Variants in MLLT6 observed in about 807,000 individuals in gnomAD.
MLLT6 encodes the protein protein AF-17.
MLLT6 carries 22 observed loss-of-function variants against 103.0 expected under a neutral mutation model. The observed-to-expected ratio is 0.21, with a 90% confidence interval of 0.15 to 0.31. MLLT6 has a LOEUF of 0.31. Among genes scored for constraint, MLLT6 ranks in the 10% least tolerant of loss-of-function variants. MLLT6 has a pLI of 1.00. For synonymous variants in MLLT6, 606 were observed against 623.5 expected (o/e 0.97, Z 0.42); for missense variants, 1,199 against 1,441.7 (o/e 0.83, Z 2.73).
chr17:38,716,745 A>G lies in MLLT6; in HGVS notation c.1415A>G (p.Lys472Arg). The G allele has an allele frequency of 5.6e-6, 9 of 1,608,714 alleles. No homozygotes were observed. The highest frequency in any genetic ancestry group is 7.6e-6 in the Non-Finnish European group (9 of 1,177,772). ...GLKEKKHKAS[K>R]RSRHGPGRPK... Reference sequence around the variant, plus strand: ...AAGGAGAAGAAGCACAAAGCCAGCAAGAGGAGCCGCCATGGGCCAGGCCGT... The same window carrying G: ...AAGGAGAAGAAGCACAAAGCCAGCAGGAGGAGCCGCCATGGGCCAGGCCGT... Residue 472 changes from lysine to arginine, a missense_variant, in exon 10 of 20, where the codon AAG (lysine) becomes AGG (arginine). This residue lies in a region of MLLT6 where 1,034 missense variants were observed against 1,091.5 expected (regional missense o/e 0.95). Transcript: ENST00000621332. The surrounding 1 kb of genome is among the most constrained non-coding windows in gnomAD (Gnocchi z 5.6).
Position 38,729,086 on chromosome 17 carries a change from C to G in MLLT6, c.*3488C>G, listed in dbSNP as rs1005105743. 1 of 233,210 alleles carries G rather than the reference C, an allele frequency of 4.3e-6. No individual in the cohort carries two copies. Among genetic ancestry groups the G allele is most frequent in the African/African-American group, 2.2e-5 (1 of 45,320 alleles). 14.4% of individuals were successfully genotyped at this position (233,210 alleles called of 1,614,324 possible). A position where few individuals can be genotyped will look rare whatever the true frequency, so the allele number is the denominator to read the frequency against. On this transcript the variant is annotated 3_prime_UTR_variant, in exon 20 of 20. Transcript: ENST00000621332. ...TCTAGAGAAATGAGAGGAGCCCAAG[C>G]CAGGGGCCAGCTCCGAGAAAGGGTA... is the stretch of plus-strand genomic sequence containing the variant.
chr17:38,717,377 C>G, intron 10 of MLLT6, 55 bp from the exon 11 acceptor site: 1 of 1,421,798 alleles, frequency 7.0e-7, no homozygotes, highest in Non-Finnish European at 9.5e-7. Flanking sequence ...CCTGGCTGAG[C>G]AGGAGTCTGG....
Position 38,717,483 on chromosome 17 carries a change from G to C in MLLT6, c.1703G>C (p.Arg568Pro). 1 of 1,612,188 alleles carries C rather than the reference G, an allele frequency of 6.2e-7. No homozygotes were observed. ...DPISHSGGML[R>P]AVCSTPLSSS... ...ATCTCCCACAGTGGCGGGATGCTGC[G>C]GGCTGTCTGCAGCACCCCTCTCTCC... Residue 568 changes from arginine (R) to proline (P), a missense_variant, in exon 11 of 20, where the codon CGG becomes CCG. This residue lies in a region of MLLT6 where 1,034 missense variants were observed against 1,091.5 expected (regional missense o/e 0.95). Coordinates refer to ENST00000621332, the MANE Select transcript of MLLT6 (RefSeq NM_005937.4).
chr17:38,721,783 T>C, intron 16 of MLLT6, 95 bp from the exon 17 acceptor site: 1 of 799,784 alleles, frequency 1.3e-6, no homozygotes, highest in Non-Finnish European at 1.9e-6. Flanking sequence ...GAAGTGGGGG[T>C]TGCTGTGCTC....
At position 38,720,745 on chromosome 17, in the gene MLLT6, G is replaced by A; in HGVS notation, c.2440G>A (p.Glu814Lys). The stretch of plus-strand genomic sequence containing the variant: ...GGACAACTCGCTGTCCACTTCTTCT[G>A]AGGTGGGCGCTACGAGGAGTGGGGC... ...GLDNSLSTSS[E>K]DPHSGCPSRS... The change falls in exon 16 of 20, where the codon GAG becomes AAG. Residue 814 changes from glutamate (E) to lysine (K), a missense_variant and splice_region_variant. This residue lies in a region of MLLT6 where 1,034 missense variants were observed against 1,091.5 expected (regional missense o/e 0.95). Transcript: ENST00000621332. 6.2e-7 allele frequency: 1 copy of A among 1,613,698 alleles called. No homozygotes were observed. The highest frequency in any genetic ancestry group is 8.5e-7 in the Non-Finnish European group (1 of 1,179,942).
In MLLT6 at chr17:38,729,204, G is replaced by A. The variant is rs1906193533; in HGVS notation, c.*3606G>A. 2 of 233,096 alleles carry A rather than the reference G, an allele frequency of 8.6e-6. No individual in the cohort carries two copies. The highest frequency in any genetic ancestry group is 1.7e-5 in the Non-Finnish European group (2 of 118,034). The allele number at this position is 233,096 out of a possible 1,614,324, so 14.4% of individuals were successfully genotyped here. ...CAGCTTCTAGGATCTTCCTTGGTGTGCAATGGGCCAGTTAGGGGTAGGCAG... is the reference window on the plus strand; with the variant it reads ...CAGCTTCTAGGATCTTCCTTGGTGTACAATGGGCCAGTTAGGGGTAGGCAG... On this transcript the variant is annotated 3_prime_UTR_variant, in exon 20 of 20. Transcript: ENST00000621332.
chr17:38,720,039 C>T (rs1597999292), intron 14 of MLLT6, 144 bp downstream of exon 14: 5 of 1,196,346 alleles, frequency 4.2e-6, no homozygotes, highest in East Asian at 5.1e-5. Flanking sequence ...CCTCACCTCC[C>T]ATCCCTGCCA....
rs374848977 is a variant in MLLT6, at chr17:38,709,584, T to C, written c.552+9T>C. On this transcript the variant is annotated intron_variant, in intron 6 of 19. Transcript: ENST00000621332. The surrounding 1 kb of genome is among the most constrained non-coding windows in gnomAD (Gnocchi z 4.3). ...ACCACTTCAGCAAGATGGTGAGTCC[T>C]GGCGACCAGCGCATGAGCGGGTCAG... The C allele has an allele frequency of 6.2e-7, 1 of 1,608,682 alleles. No individual in the cohort carries two copies. The highest frequency in any genetic ancestry group is 1.3e-5 in the African/African-American group (1 of 74,862).
rs1464890814 is a variant in MLLT6, at chr17:38,728,936, C to G, written c.*3338C>G. The G allele has an allele frequency of 4.3e-6, 1 of 233,748 alleles. No individual in the cohort carries two copies. Among genetic ancestry groups the G allele is most frequent in the Non-Finnish European group, 8.5e-6 (1 of 118,178 alleles). 14.5% of individuals were successfully genotyped at this position (233,748 alleles called of 1,614,324 possible). A position where few individuals can be genotyped will look rare whatever the true frequency, so the allele number is the denominator to read the frequency against. On this transcript the variant is annotated 3_prime_UTR_variant, in exon 20 of 20. Transcript: ENST00000621332. ...TTTTCCTATTTGTGGGGTATTTTCC[C>G]CCTCAGGCTCCTGGGTCTGCTGCTG...
At chr17:38,705,974 T>C (rs1904898576) in intron 1 of MLLT6, 1 of 220,492 alleles carries the variant, frequency 4.5e-6, no homozygotes, top group Non-Finnish European at 8.8e-6. Context: ...TTGAGGGAGT[T>C]TGGGGAGAGT....
In MLLT6 at chr17:38,705,568, C is replaced by T; in HGVS notation, c.-65C>T. ...CGCGCGGCCCCCCGCTCCCTCCCTCCCCCCTGACCCCCGACCCCCGCCGGC... is the reference window on the plus strand; with the variant it reads ...CGCGCGGCCCCCCGCTCCCTCCCTCTCCCCTGACCCCCGACCCCCGCCGGC... On this transcript the variant is annotated 5_prime_UTR_variant, in exon 1 of 20. Coordinates refer to ENST00000621332, the MANE Select transcript of MLLT6 (RefSeq NM_005937.4). 1 of 519,800 alleles carries T rather than the reference C, an allele frequency of 1.9e-6. No homozygotes were observed. The highest frequency in any genetic ancestry group is 2.7e-5 in the South Asian group (1 of 37,638). 32.2% of individuals were successfully genotyped at this position (519,800 alleles called of 1,614,324 possible).
chr17:38,723,671 C>T (rs1905875172), intron 18 of MLLT6, among the ~76,000 whole-genome samples: 1 of 151,648 alleles, frequency 6.6e-6, no homozygotes, highest in African/African-American at 2.4e-5. Flanking sequence ...AATGCTTTGC[C>T]TATTCAAAGC....
Position 38,709,557 on chromosome 17 carries a change from A to G in MLLT6, c.534A>G (p.Lys178=), listed in dbSNP as rs777326437. ...VDNVKYCGYC[K]YHFSKMKTSR... is the part of the protein sequence containing the mutation. ...ACGTCAAGTACTGCGGCTACTGCAA[A>G]TACCACTTCAGCAAGATGGTGAGTC... The change falls in exon 6 of 20, where the codon AAA becomes AAG. Residue 178 remains lysine (K), a synonymous_variant. Transcript: ENST00000621332. The surrounding 1 kb of genome is among the most constrained non-coding windows in gnomAD (Gnocchi z 4.3). The G allele has an allele frequency of 5.0e-5, 80 of 1,613,824 alleles. No individual in the cohort carries two copies. Among genetic ancestry groups the G allele is most frequent in the Non-Finnish European group, 6.4e-5 (76 of 1,179,798 alleles).
At chr17:38,715,994 C>G in intron 9 of MLLT6, 166 bp downstream of exon 9, 1 of 671,258 alleles carries the variant, frequency 1.5e-6, no homozygotes, top group South Asian at 1.9e-5. Context: ...CCAAACCCTT[C>G]CTTCTTGAAC....
Position 38,716,731 on chromosome 17 carries a change from G to T in MLLT6, c.1401G>T (p.Lys467Asn). The change falls in exon 10 of 20, where the codon AAG becomes AAT. Residue 467 changes from lysine (K) to asparagine (N), a missense_variant. Lys to Asn is a moderately conservative substitution (Grantham distance 94). Coordinates refer to ENST00000621332, the MANE Select transcript of MLLT6 (RefSeq NM_005937.4). The surrounding 1 kb of genome is among the most constrained non-coding windows in gnomAD (Gnocchi z 5.6). Reference sequence around the variant, plus strand: ...CTGAGACAGGCCTGAAGGAGAAGAAGCACAAAGCCAGCAAGAGGAGCCGCC... The same window carrying T: ...CTGAGACAGGCCTGAAGGAGAAGAATCACAAAGCCAGCAAGAGGAGCCGCC... ...ETPETGLKEKKHKASKRSRHG... is the reference protein window; with the variant it reads ...ETPETGLKEKNHKASKRSRHG... The T allele has an allele frequency of 6.2e-7, 1 of 1,609,644 alleles. No individual in the cohort carries two copies. The highest frequency in any genetic ancestry group is 2.2e-5 in the East Asian group (1 of 44,706).
At position 38,716,685 on chromosome 17, in the gene MLLT6, C is replaced by G. The variant is rs1342954596; in HGVS notation, c.1355C>G (p.Pro452Arg). ...HKRMPALSAT[P>R]VPADETPETG... ...CGGATGCCCGCACTGAGTGCCACCC[C>G]TGTGCCTGCTGATGAGACCCCTGAG... is the stretch of plus-strand genomic sequence containing the variant. Residue 452 changes from proline to arginine, a missense_variant, in exon 10 of 20, where the codon CCT becomes CGT. Coordinates refer to ENST00000621332, the MANE Select transcript of MLLT6 (RefSeq NM_005937.4). The surrounding 1 kb of genome is among the most constrained non-coding windows in gnomAD (Gnocchi z 5.6). 1 of 1,612,908 alleles carries G rather than the reference C, an allele frequency of 6.2e-7. No individual in the cohort carries two copies. The highest frequency in any genetic ancestry group is 8.5e-7 in the Non-Finnish European group (1 of 1,179,622).
In MLLT6 at chr17:38,717,139, G is replaced by A. The variant is rs77738497; in HGVS notation, c.1651+158G>A. On this transcript the variant is annotated intron_variant, in intron 10 of 19. Transcript: ENST00000621332. ...CTTCAGGACATCCCCCTCTGCATGC[G>A]TGGAGTAGAAAGGATTGGGGACAGA... Among the ~76,000 whole-genome samples the A allele has an allele frequency of 7.8e-3, 1,193 of 152,326 alleles. 4 individuals are homozygous for A. The highest frequency in any genetic ancestry group is 0.01 in the Non-Finnish European group (703 of 68,024).
chr17:38,708,107 C>T (rs959675068), intron 4 of MLLT6: 1 of 554,012 alleles, frequency 1.8e-6, no homozygotes, highest in South Asian at 2.2e-5. Flanking sequence ...TAGACCTTCG[C>T]AGTTACTTCA....
chr17:38,716,472 C>T lies in MLLT6; in HGVS notation c.1142C>T (p.Pro381Leu), dbSNP rs1905349586. 6.2e-7 allele frequency: 1 copy of T among 1,614,128 alleles called. No individual in the cohort carries two copies. The highest frequency in any genetic ancestry group is 2.2e-5 in the East Asian group (1 of 44,882). ...KPTAPAPSAP[P>L]SPSAPEPPKA... ...ACAGCCCCCGCCCCTTCAGCCCCTC[C>T]TTCTCCCTCAGCTCCCGAGCCCCCC... The change falls in exon 10 of 20, where the codon CCT becomes CTT. Residue 381 changes from proline (P) to leucine (L), a missense_variant. By Grantham distance (98) the Pro-to-Leu change is moderately conservative (BLOSUM62 -3). Transcript: ENST00000621332. The surrounding 1 kb of genome is among the most constrained non-coding windows in gnomAD (Gnocchi z 5.6).
Sources: allele counts gnomAD v4.1 joint callset (sites outside exome capture counted in the v4.1 genomes callset), GRCh38; gene constraint gnomAD v4.1.1; regional missense constraint gnomAD v4.1.1; non-coding constraint Gnocchi (gnomAD v3.1); transcripts MANE v1.5; gene names NCBI Gene and HGNC (gene_info 2026-07-23, HGNC 2026-07-21).